VPS13D: variants seen among roughly 807,000 people sequenced by gnomAD.
VPS13D encodes vacuolar protein sorting 13 homolog D, also known as intermembrane lipid transfer protein VPS13D.
VPS13D carries 187 observed loss-of-function variants against 461.9 expected under a neutral mutation model. The ratio of observed to expected loss-of-function variants is 0.40; its 90% confidence interval spans 0.36 to 0.46. The LOEUF is 0.46. Among genes scored for constraint, VPS13D ranks in the 20% least tolerant of loss-of-function variants. The probability of loss-of-function intolerance (pLI) is 0.60; values close to 1 mark genes in which losing one functional copy is unlikely to be tolerated. For synonymous variants in VPS13D, 1,951 were observed against 1,986.3 expected (o/e 0.98, Z 0.47); for missense variants, 4,711 against 5,364.9 (o/e 0.88, Z 3.81).
intron 8 of VPS13D, 129 bp downstream of exon 8, chr1:12,256,632 G>C: frequency 9.6e-7 from 1 of 1,043,086 alleles, no homozygotes; most frequent in Non-Finnish European, 1.4e-6. Context: ...GACTAAAGTT[G>C]TGTTAGGTAT....
chr1:12,379,451 G>A (rs772080588), intron 56 of VPS13D, 37 bp from the exon 57 acceptor site: 13 of 1,583,656 alleles, frequency 8.2e-6, no homozygotes, highest in African/African-American at 2.7e-5. Flanking sequence ...CAGTTGACTC[G>A]GAGGTTTCAT....
intron 52 of VPS13D, among the ~76,000 whole-genome samples, chr1:12,367,186 CCAAG>C (rs1644047350): frequency 6.6e-6 from 1 of 152,124 alleles, no homozygotes; most frequent in African/African-American, 2.4e-5. Context: ...TTTGAAGACT[CCAAG>C]CAAGTTTCTT....
chr1:12,439,386 C>T (rs1645102033), intron 65 of VPS13D, among the ~76,000 whole-genome samples: 2 of 152,110 alleles, frequency 1.3e-5, no homozygotes, highest in Non-Finnish European at 2.9e-5. Context: ...TCTACATTTT[C>T]TTTATCCAAA....
chr1:12,386,306 T>C lies in VPS13D; in HGVS notation c.11606T>C (p.Met3869Thr). 1 of 1,611,766 alleles carries C rather than the reference T, an allele frequency of 6.2e-7. No individual in the cohort carries two copies. Among genetic ancestry groups the C allele is most frequent in the Non-Finnish European group, 8.5e-7 (1 of 1,179,094 alleles). ...TATACACAGCTGGCAACCAGTCACA[T>C]GCTTGAACTCAGCATACAGGATGTA... is the stretch of plus-strand genomic sequence containing the variant. ...VHYTQLATSH[M>T]LELSIQDVQV... Residue 3869 changes from methionine to threonine, a missense_variant, in exon 60 of 70, where the codon ATG (methionine) becomes ACG (threonine). By Grantham distance (81) the Met-to-Thr change is moderately conservative. Around this residue, in one of 3 missense-constraint regions of VPS13D, gnomAD observed 4,411 missense variants for 4,937.8 expected, o/e 0.89. Coordinates refer to ENST00000620676, the MANE Select transcript of VPS13D (RefSeq NM_015378.4).
intron 54 of VPS13D, among the ~76,000 whole-genome samples, chr1:12,373,441 TG>T (rs1249822664): frequency 1.3e-5 from 2 of 151,838 alleles, no homozygotes; most frequent in Non-Finnish European, 2.9e-5. Flanking sequence ...CCTTTTTTTT[TG>T]GTGGGGGGGC....
chr1:12,295,542 A>AATC (rs1418912753), intron 24 of VPS13D, among the ~76,000 whole-genome samples: 1 of 152,208 alleles, frequency 6.6e-6, no homozygotes, highest in Non-Finnish European at 1.5e-5. Flanking sequence ...TGGAAAAAAG[A>AATC]ATCATACTAG....
At position 12,299,505 on chromosome 1, in the gene VPS13D, G is replaced by T; in HGVS notation, c.6216+121G>T. ...ATTACTTTTGTAGGGTATGTGGCTT[G>T]AAGAATTTTTTTTGGCATTTTATTG... On this transcript the variant is annotated intron_variant, in intron 25 of 69. Transcript: ENST00000620676. This position sits in a 1 kb window ranked among gnomAD's most constrained non-coding sequence, Gnocchi z 4.2. The T allele has an allele frequency of 8.6e-7, 1 of 1,163,838 alleles. No homozygotes were observed. Among genetic ancestry groups the T allele is most frequent in the South Asian group, 2.1e-5 (1 of 47,856 alleles). 72.1% of individuals were successfully genotyped at this position (1,163,838 alleles called of 1,614,324 possible).
At chr1:12,247,087 T>C (rs1173877821) in intron 5 of VPS13D, among the ~76,000 whole-genome samples, 1 of 152,206 alleles carries the variant, frequency 6.6e-6, no homozygotes, top group Admixed American at 6.5e-5. Context: ...TTTTACGATA[T>C]CACCAGCAAT....
At chr1:12,483,699 G>A (rs1471041027) in intron 67 of VPS13D, among the ~76,000 whole-genome samples, 1 of 152,102 alleles carries the variant, frequency 6.6e-6, no homozygotes, top group African/African-American at 2.4e-5. Context: ...AATCGCTTTG[G>A]CATTAAGAAT....
chr1:12,257,153 A>G (rs1198357887), intron 9 of VPS13D, 66 bp downstream of exon 9: 1 of 1,400,480 alleles, frequency 7.1e-7, no homozygotes, highest in Non-Finnish European at 1.0e-6. Flanking sequence ...TACATAGATC[A>G]GAAATATGCC....
intron 52 of VPS13D, among the ~76,000 whole-genome samples, chr1:12,365,823 T>C (rs1644027465): frequency 6.6e-6 from 1 of 152,214 alleles, no homozygotes; most frequent in South Asian, 2.1e-4. Context: ...GTCAGCTCTC[T>C]ATTGAGAACA....
chr1:12,253,604 G>T, intron 6 of VPS13D, 118 bp from the exon 7 acceptor site: 1 of 756,396 alleles, frequency 1.3e-6, no homozygotes, highest in Non-Finnish European at 2.2e-6. Context: ...TGAGTTATAT[G>T]TCCACAGCAC....
chr1:12,388,079 T>C (rs1311177717), intron 60 of VPS13D, among the ~76,000 whole-genome samples: 1 of 152,234 alleles, frequency 6.6e-6, no homozygotes, highest in Non-Finnish European at 1.5e-5. Context: ...GATTATTTTC[T>C]TCTTATTTAA....
Position 12,322,546 on chromosome 1 carries a change from A to G in VPS13D, c.7715A>G (p.Gln2572Arg). The G allele has an allele frequency of 6.2e-7, 1 of 1,614,144 alleles. No individual in the cohort carries two copies. The highest frequency in any genetic ancestry group is 1.1e-5 in the South Asian group (1 of 91,072). The change falls in exon 34 of 70, where the codon CAA becomes CGA. Residue 2572 changes from glutamine to arginine, a missense_variant. By Grantham distance (43) the Gln-to-Arg change is conservative. Transcript: ENST00000620676. ...DFPPVLEIQL[Q>R]ALDIRLSYND... is the part of the protein sequence containing the mutation. Reference sequence around the variant, plus strand: ...TTTACATTTTGTTAGATTCAGTTACAAGCCCTGGATATCAGACTCTCCTAT... The same window carrying G: ...TTTACATTTTGTTAGATTCAGTTACGAGCCCTGGATATCAGACTCTCCTAT...
chr1:12,272,297 T>A (rs918272417), intron 17 of VPS13D, among the ~76,000 whole-genome samples: 15 of 152,242 alleles, frequency 9.9e-5, no homozygotes, highest in African/African-American at 3.4e-4. Context: ...TTTTGGACAG[T>A]GCAGAGTAAG....
chr1:12,321,259 A>G (rs1165785659), intron 32 of VPS13D, among the ~76,000 whole-genome samples: 1 of 152,170 alleles, frequency 6.6e-6, no homozygotes, highest in Non-Finnish European at 1.5e-5. Context: ...TTTATTTTTA[A>G]TTATGAAGAT....
chr1:12,356,077 G>C lies in VPS13D; in HGVS notation c.9858G>C (p.Leu3286=), dbSNP rs765751063. 1.2e-6 allele frequency: 2 copies of C among 1,609,782 alleles called. No homozygotes were observed. Among genetic ancestry groups the C allele is most frequent in the Non-Finnish European group, 1.7e-6 (2 of 1,177,452 alleles). The change falls in exon 48 of 70, where the codon CTG becomes CTC. Residue 3286 remains leucine, a synonymous_variant. Transcript: ENST00000620676. ...LKIFISAPYW[L]INKTGLPLIF... ...TCTTCATTTCTGCTCCATATTGGCTGATTAACAAAACAGGTACATACAGGG... is the reference window on the plus strand; with the variant it reads ...TCTTCATTTCTGCTCCATATTGGCTCATTAACAAAACAGGTACATACAGGG...
rs1462843693 is a variant in VPS13D at position 12,318,181 on chromosome 1, A to G, written c.7258A>G (p.Ile2420Val). 5.0e-6 allele frequency: 8 copies of G among 1,614,176 alleles called. No individual in the cohort carries two copies. Among genetic ancestry groups the G allele is most frequent in the South Asian group, 1.1e-5 (1 of 91,090 alleles). ...VHDFLHTPSD[I>V]KKQNHVTPSR... ...TGATTTTCTCCACACTCCCAGTGAT[A>G]TTAAGAAACAAAATCATGTTACTCC... Residue 2420 changes from isoleucine (I) to valine (V), a missense_variant, in exon 31 of 70, where the codon ATT (isoleucine) becomes GTT (valine). Physicochemically the swap from Ile to Val is conservative, Grantham distance 29. Coordinates refer to ENST00000620676, the MANE Select transcript of VPS13D (RefSeq NM_015378.4).
At position 12,341,747 on chromosome 1, in the gene VPS13D, C is replaced by T. The variant is rs755440202; in HGVS notation, c.8627-33C>T. The stretch of plus-strand genomic sequence containing the variant: ...AGGGTCTCTGCCATGCAGATAGGGG[C>T]GTCTGCTCATAGCCTTCTTCTGTTT... On this transcript the variant is annotated intron_variant, in intron 40 of 69. Coordinates refer to ENST00000620676, the MANE Select transcript of VPS13D (RefSeq NM_015378.4). The T allele has an allele frequency of 8.1e-6, 13 of 1,595,130 alleles. No homozygotes were observed. The Admixed American group carries it at 1.3e-4, about 16-fold the overall frequency.
Sources: gnomAD v4.1 joint callset for allele counts (sites outside exome capture counted in the v4.1 genomes callset) on GRCh38, gnomAD v4.1.1 for gene constraint, gnomAD v4.1.1 regional missense constraint, Gnocchi (gnomAD v3.1) non-coding constraint, MANE v1.5 for transcripts, NCBI Gene and HGNC (gene_info 2026-07-23, HGNC 2026-07-21) for gene names.